The following VAV3 variants were observed in gnomAD, a reference collection of about 807,000 sequenced individuals.
The protein encoded by VAV3 is guanine nucleotide exchange factor VAV3.
In VAV3, 94 loss-of-function variants were observed where a neutral mutation model predicts 131.2. The ratio of observed to expected loss-of-function variants is 0.72; its 90% CI spans 0.61 to 0.85. The LOEUF is 0.85. VAV3 is among the 40% of genes least tolerant of loss of function. The pLI is 0.00. For synonymous variants in VAV3, 349 were observed against 342.0 expected, an observed-to-expected ratio of 1.02 and a Z score of -0.22; for missense variants, 939 against 1,002.7, an observed-to-expected ratio of 0.94 and a Z score of 0.86.
intron 15 of VAV3, among the ~76,000 whole-genome samples, chr1:107,731,129 A>G (rs1287756892): frequency 6.6e-6 from 1 of 152,204 alleles, no homozygotes; most frequent in African/African-American, 2.4e-5. Context: ...TCTTAACATT[A>G]AAGTATTAAA....
chr1:107,742,980 A>G (rs1289657378), intron 15 of VAV3, among the ~76,000 whole-genome samples: 1 of 152,210 alleles, frequency 6.6e-6, no homozygotes, highest in Non-Finnish European at 1.5e-5. Flanking sequence ...AGCTACTCAA[A>G]GAACAGGAGG....
chr1:107,779,396 A>G, intron 3 of VAV3, 38 bp downstream of exon 3: 4 of 1,541,118 alleles, frequency 2.6e-6, no homozygotes, highest in Non-Finnish European at 3.5e-6. Flanking sequence ...ATTACACTGA[A>G]CTCAATGGGA....
At chr1:107,870,949 A>T (rs1343396589) in intron 2 of VAV3, among the ~76,000 whole-genome samples, 1 of 152,166 alleles carries the variant, frequency 6.6e-6, no homozygotes, top group East Asian at 1.9e-4. Flanking sequence ...CCTGACTTCT[A>T]TTACGCTCTA....
At chr1:107,613,441 C>A (rs751343981) in intron 21 of VAV3, among the ~76,000 whole-genome samples, 9 of 152,014 alleles carry the variant, frequency 5.9e-5, no homozygotes, top group Non-Finnish European at 7.4e-5. Flanking sequence ...CTTCAGATTT[C>A]TCCTCAATTT....
At position 107,871,211 on chromosome 1, in the gene VAV3, A is replaced by G. The variant is rs144550390; in HGVS notation, c.321+3690T>C. ...TTTAATTACATTTCTTAAGCAAAGA[A>G]GTTAACTAACAAGATTTTACTTATT... is the stretch of plus-strand genomic sequence containing the variant. On this transcript the variant is annotated intron_variant, in intron 2 of 26. Transcript: ENST00000370056. Among the ~76,000 whole-genome samples the G allele has an allele frequency of 7.2e-5, 11 of 152,318 alleles. No individual in the cohort carries two copies. The East Asian group carries it at 1.7e-3, about 24-fold the overall frequency.
At chr1:107,757,378 G>A (rs750127998) in intron 10 of VAV3, 49 bp from the exon 11 acceptor site, 2 of 1,455,698 alleles carry the variant, frequency 1.4e-6, no homozygotes, top group South Asian at 2.5e-5. Context: ...TTAAAACTAA[G>A]ACATACTAAA....
At chr1:107,630,737 G>A (rs1296039895) in intron 20 of VAV3, among the ~76,000 whole-genome samples, 4 of 152,096 alleles carry the variant, frequency 2.6e-5, no homozygotes, top group Non-Finnish European at 5.9e-5. Context: ...TCTTCTTTGA[G>A]TATGAAAATC....
chr1:107,964,874 G>A lies in VAV3; in HGVS notation c.-5C>T, dbSNP rs573555875. On this transcript the variant is annotated 5_prime_UTR_variant, in exon 1 of 27. Transcript: ENST00000370056. ...GCACTGCTTCCACGGCTCCATGCCC[G>A]ACGGCTCCGGGACGCGGCTGGGCCG... The A allele has an allele frequency of 3.9e-6, 6 of 1,552,294 alleles. No individual in the cohort carries two copies. The African/African-American group carries it at 5.5e-5, about 14-fold the overall frequency.
At chr1:107,724,019 G>C (rs768221140) in intron 15 of VAV3, among the ~76,000 whole-genome samples, 2 of 152,008 alleles carry the variant, frequency 1.3e-5, no homozygotes, top group East Asian at 1.9e-4. Flanking sequence ...TCCAAGGCTC[G>C]TGAAGCGACT....
At chr1:107,923,084 T>A (rs1248023682) in intron 1 of VAV3, among the ~76,000 whole-genome samples, 1 of 152,204 alleles carries the variant, frequency 6.6e-6, no homozygotes, top group Non-Finnish European at 1.5e-5. Flanking sequence ...AGAGTTTTTT[T>A]ATGCTCTTTT....
intron 17 of VAV3, among the ~76,000 whole-genome samples, chr1:107,693,062 G>A (rs1377519210): frequency 6.6e-6 from 1 of 152,094 alleles, no homozygotes; most frequent in Non-Finnish European, 1.5e-5. Flanking sequence ...CTGTGAGAAG[G>A]AAACGACACC....
chr1:107,881,692 G>A (rs1489306018), intron 1 of VAV3, among the ~76,000 whole-genome samples: 8 of 152,128 alleles, frequency 5.3e-5, no homozygotes, highest in African/African-American at 9.7e-5. Context: ...CATAACTTCC[G>A]AAGAAGAAAG....
At position 107,770,808 on chromosome 1, in the gene VAV3, GCTGA is replaced by G. The variant is rs1665000018; in HGVS notation, c.556-84_556-81del. ...TCGGGAAGTAGAGATCAAAAGCATT[GCTGA>G]CTTTCTTAAACTTTCCTTTCTAATA... On this transcript the variant is annotated intron_variant, in intron 5 of 26. Coordinates refer to ENST00000370056, the MANE Select transcript of VAV3 (RefSeq NM_006113.5). 1.8e-5 allele frequency: 21 copies of G among 1,190,324 alleles called. No individual in the cohort carries two copies. The South Asian group carries it at 2.7e-4, about 15-fold the overall frequency. 73.7% of individuals were successfully genotyped at this position (1,190,324 alleles called of 1,614,324 possible). A position where few individuals can be genotyped will look rare whatever the true frequency, so the allele number is the denominator to read the frequency against.
intron 2 of VAV3, among the ~76,000 whole-genome samples, chr1:107,865,918 T>C (rs1669962657): frequency 6.6e-6 from 1 of 152,076 alleles, no homozygotes; most frequent in Non-Finnish European, 1.5e-5. Flanking sequence ...GAGTACACAG[T>C]AAGAGACAAA....
At position 107,705,079 on chromosome 1, in the gene VAV3, A is replaced by G. The variant is rs1472824063; in HGVS notation, c.1503-18T>C. Reference sequence around the variant, plus strand: ...TGTTAGACCTAAAAAAAGGAAAAAAATAACTTTCTATAGAAAGTTTCACAA... The same window carrying G: ...TGTTAGACCTAAAAAAAGGAAAAAAGTAACTTTCTATAGAAAGTTTCACAA... On this transcript the variant is annotated intron_variant, in intron 15 of 26. Coordinates refer to ENST00000370056, the MANE Select transcript of VAV3 (RefSeq NM_006113.5). 6 of 1,572,932 alleles carry G rather than the reference A, an allele frequency of 3.8e-6. No homozygotes were observed. Among genetic ancestry groups the G allele is most frequent in the South Asian group, 2.3e-5 (2 of 88,388 alleles).
chr1:107,766,329 T>C, intron 8 of VAV3, 118 bp downstream of exon 8: 2 of 652,722 alleles, frequency 3.1e-6, no homozygotes, highest in Non-Finnish European at 2.6e-6. Flanking sequence ...CACGTTCTAA[T>C]TACTGCTCAG....
intron 1 of VAV3, among the ~76,000 whole-genome samples, chr1:107,900,411 C>A (rs1424363189): frequency 6.6e-6 from 1 of 152,156 alleles, no homozygotes; most frequent in Non-Finnish European, 1.5e-5. Context: ...ACAGTACTTG[C>A]AAATTGTTTT....
At position 107,889,132 on chromosome 1, in the gene VAV3, A is replaced by AGTGTGTGTGTGTGTGTGTGTGT. The variant is rs5776903; in HGVS notation, c.205-14137_205-14116dup. Among the ~76,000 whole-genome samples, 64 of 142,032 alleles carry AGTGTGTGTGTGTGTGTGTGTGT rather than the reference A, an allele frequency of 4.5e-4. 1 individual carries two copies. The highest frequency in any genetic ancestry group is 7.0e-4 in the South Asian group (3 of 4,268). 93.2% of individuals were successfully genotyped at this position (142,032 alleles called of 152,430 possible). A position where few individuals can be genotyped will look rare whatever the true frequency, so the allele number is the denominator to read the frequency against. On this transcript the variant is annotated intron_variant, in intron 1 of 26. Transcript: ENST00000370056. Reference sequence around the variant, plus strand: ...TTTTGTTCCAAGTTCTCCTGTGTAGAGTGTGTGTGTGTGTGTGTGTGTGTG... The same window carrying AGTGTGTGTGTGTGTGTGTGTGT: ...TTTTGTTCCAAGTTCTCCTGTGTAGAGTGTGTGTGTGTGTGTGTGTGTGTGTGTGTGTGTGTGTGTGTGTGTG...
At chr1:107,964,139 C>A (rs1675291098) in intron 1 of VAV3, among the ~76,000 whole-genome samples, 1 of 152,166 alleles carries the variant, frequency 6.6e-6, no homozygotes, top group Non-Finnish European at 1.5e-5. Flanking sequence ...GGTTCTGCTC[C>A]CTGTTCTTCC....
Sources: allele counts gnomAD v4.1 joint callset (sites outside exome capture counted in the v4.1 genomes callset), GRCh38; gene constraint gnomAD v4.1.1; transcripts MANE v1.5; gene names NCBI Gene and HGNC (gene_info 2026-07-23, HGNC 2026-07-21).